The following IKBKE variants were observed in gnomAD, a reference collection of about 807,000 sequenced individuals.
The protein encoded by IKBKE is inhibitor of nuclear factor kappa B kinase subunit epsilon, also known as inhibitor of nuclear factor kappa-B kinase subunit epsilon.
IKBKE carries 45 observed loss-of-function variants against 92.1 expected under a neutral mutation model. The observed-to-expected ratio is 0.49, with a 90% CI of 0.38 to 0.63. IKBKE has a LOEUF of 0.63. Ranked by LOEUF, IKBKE falls within the 20% of genes least tolerant of loss-of-function variation. The pLI is 0.00. For synonymous variants in IKBKE, 374 were observed against 380.3 expected (o/e 0.98, Z 0.19); for missense variants, 700 against 932.8 (o/e 0.75, Z 3.25).
intron 13 of IKBKE, among the ~76,000 whole-genome samples, chr1:206,482,391 T>C (rs1476485284): frequency 2.0e-5 from 3 of 152,164 alleles, no homozygotes; most frequent in South Asian, 2.1e-4. Flanking sequence ...GGAAAGCTTT[T>C]TGGGTGTCTG....
chr1:206,487,793 A>T lies in IKBKE; in HGVS notation c.1617-121A>T. The T allele has an allele frequency of 2.7e-6, 2 of 729,328 alleles. No homozygotes were observed. 45.2% of individuals were successfully genotyped at this position (729,328 alleles called of 1,614,324 possible). ...GACAGCCACCTCCACTCCCAGACTGATCCCCCAAAACTGTGGCTGTGAGGC... is the reference window on the plus strand; with the variant it reads ...GACAGCCACCTCCACTCCCAGACTGTTCCCCCAAAACTGTGGCTGTGAGGC... On this transcript the variant is annotated intron_variant, in intron 15 of 21. Transcript: ENST00000581977. The surrounding 1 kb of genome is among the most constrained non-coding windows in gnomAD (Gnocchi z 5.3).
chr1:206,472,322 G>A (rs782569433), intron 2 of IKBKE, among the ~76,000 whole-genome samples: 1 of 152,010 alleles, frequency 6.6e-6, no homozygotes, highest in Non-Finnish European at 1.5e-5. Flanking sequence ...TCTGTCCCCA[G>A]GTATCCCAAA....
chr1:206,488,371 G>A (rs1350359289), intron 16 of IKBKE, among the ~76,000 whole-genome samples: 2 of 152,216 alleles, frequency 1.3e-5, no homozygotes, highest in Admixed American at 6.5e-5. Flanking sequence ...ACTATCCGTT[G>A]TGTCCTTGGG....
In IKBKE at chr1:206,474,958, C is replaced by T. The variant is rs781913394; in HGVS notation, c.322C>T (p.Pro108Ser). 6.8e-6 allele frequency: 11 copies of T among 1,614,056 alleles called. No individual in the cohort carries two copies. Among genetic ancestry groups the T allele is most frequent in the Admixed American group, 3.3e-5 (2 of 60,008 alleles). Residue 108 changes from proline to serine, a missense_variant, in exon 5 of 22, where the codon CCT becomes TCT. Transcript: ENST00000581977. ...GAGCCCTGAGAATGCCTTTGGGCTGCCTGAGGATGAGTTCCTGGTGGTGCT... is the reference window on the plus strand; with the variant it reads ...GAGCCCTGAGAATGCCTTTGGGCTGTCTGAGGATGAGTTCCTGGTGGTGCT... ...LESPENAFGL[P>S]EDEFLVVLRC...
Position 206,478,278 on chromosome 1 carries a change from G to A in IKBKE, c.931G>A (p.Val311Ile), listed in dbSNP as rs149987336. 36 of 1,613,996 alleles carry A rather than the reference G, an allele frequency of 2.2e-5. No homozygotes were observed. The Middle Eastern group carries it at 4.9e-4, about 22-fold the overall frequency. The change falls in exon 9 of 22, where the codon GTC (valine) becomes ATC (isoleucine). Residue 311 changes from valine to isoleucine, a missense_variant. By Grantham distance (29) the Val-to-Ile change is conservative. Coordinates refer to ENST00000581977, the MANE Select transcript of IKBKE (RefSeq NM_014002.4). The surrounding 1 kb of genome is among the most constrained non-coding windows in gnomAD (Gnocchi z 4.8). ...CAGTGACATCCTGCAGCGAGTTGTCGTCCATGTCTTCTCCCTGTCCCAGGC... is the reference window on the plus strand; with the variant it reads ...CAGTGACATCCTGCAGCGAGTTGTCATCCATGTCTTCTCCCTGTCCCAGGC... ...ETSDILQRVV[V>I]HVFSLSQAVL...
In IKBKE at chr1:206,474,978, G is replaced by A; in HGVS notation, c.342G>A (p.Val114=). The A allele has an allele frequency of 6.2e-7, 1 of 1,614,018 alleles. No individual in the cohort carries two copies. The highest frequency in any genetic ancestry group is 8.5e-7 in the Non-Finnish European group (1 of 1,180,034). ...GGCTGCCTGAGGATGAGTTCCTGGTGGTGCTGCGCTGTGTGGGTGAGCCCC... is the reference window on the plus strand; with the variant it reads ...GGCTGCCTGAGGATGAGTTCCTGGTAGTGCTGCGCTGTGTGGGTGAGCCCC... ...AFGLPEDEFL[V]VLRCVVAGMN... Residue 114 remains valine (V), a synonymous_variant, in exon 5 of 22, where the codon GTG becomes GTA. Coordinates refer to ENST00000581977, the MANE Select transcript of IKBKE (RefSeq NM_014002.4).
At chr1:206,479,787 G>A (rs1360591767) in intron 10 of IKBKE, 83 bp from the exon 11 acceptor site, 3 of 1,387,592 alleles carry the variant, frequency 2.2e-6, no homozygotes, top group African/African-American at 2.8e-5. Flanking sequence ...GCAGTGAGGG[G>A]TGAGTGTGAG....
In IKBKE at chr1:206,474,912, G is replaced by C; in HGVS notation, c.276G>C (p.Gly92=). Residue 92 remains glycine, a synonymous_variant, in exon 5 of 22, where the codon GGG becomes GGC. Coordinates refer to ENST00000581977, the MANE Select transcript of IKBKE (RefSeq NM_014002.4). ...KVLVMEYCSS[G]SLLSVLESPE... ...TGGTGATGGAGTACTGCTCCAGTGG[G>C]AGCCTGCTGAGTGTGCTGGAGAGCC... 6.2e-7 allele frequency: 1 copy of C among 1,614,088 alleles called. No homozygotes were observed. The highest frequency in any genetic ancestry group is 8.5e-7 in the Non-Finnish European group (1 of 1,179,984).
At position 206,485,470 on chromosome 1, in the gene IKBKE, C is replaced by A. The variant is rs1553388402; in HGVS notation, c.1616+164C>A. 6.6e-6 allele frequency among the ~76,000 whole-genome samples: 1 copy of A among 152,158 alleles called. No individual in the cohort carries two copies. Among genetic ancestry groups the A allele is most frequent in the East Asian group, 1.9e-4 (1 of 5,190 alleles). On this transcript the variant is annotated intron_variant, in intron 15 of 21. Coordinates refer to ENST00000581977, the MANE Select transcript of IKBKE (RefSeq NM_014002.4). The surrounding 1 kb of genome is among the most constrained non-coding windows in gnomAD (Gnocchi z 5.0). The stretch of plus-strand genomic sequence containing the variant: ...GGGAGATCCAGCAATAAACAAGAAC[C>A]CCCCGACTGCCCCAGACACCAGCCA...
At chr1:206,493,162 C>A in intron 19 of IKBKE, 43 bp downstream of exon 19, 1 of 1,565,328 alleles carries the variant, frequency 6.4e-7, no homozygotes, top group Non-Finnish European at 8.7e-7. Context: ...GGGATGCAGG[C>A]TGGGGCGCTT....
chr1:206,474,385 C>T lies in IKBKE; in HGVS notation c.142C>T (p.Pro48Ser). 1 of 1,613,926 alleles carries T rather than the reference C, an allele frequency of 6.2e-7. No individual in the cohort carries two copies. The highest frequency in any genetic ancestry group is 8.5e-7 in the Non-Finnish European group (1 of 1,179,778). The change falls in exon 4 of 22, where the codon CCC becomes TCC. Residue 48 changes from proline to serine, a missense_variant. Transcript: ENST00000581977. ...CTTCAACACTACCAGCTACCTGCGG[C>T]CCCGCGAGGTGCAGGTGAGGGAGTT... ...KVFNTTSYLR[P>S]REVQVREFEV...
chr1:206,494,075 C>A, intron 21 of IKBKE, 84 bp downstream of exon 21: 1 of 1,157,598 alleles, frequency 8.6e-7, no homozygotes, highest in Non-Finnish European at 1.3e-6. Flanking sequence ...CCCAAGCCTG[C>A]CCATGCAGGT....
chr1:206,493,777 A>G, intron 20 of IKBKE, 143 bp from the exon 21 acceptor site: 1 of 631,584 alleles, frequency 1.6e-6, no homozygotes, highest in Non-Finnish European at 2.7e-6. Context: ...CAAAGGAGCA[A>G]GACTCCGTCT....
chr1:206,475,927 G>T (rs1665040438), intron 5 of IKBKE, among the ~76,000 whole-genome samples: 1 of 152,040 alleles, frequency 6.6e-6, no homozygotes, highest in Non-Finnish European at 1.5e-5. Flanking sequence ...GAGGGGTGCT[G>T]CCCTTGAGGA....
intron 2 of IKBKE, chr1:206,472,995 G>A (rs1163243997): frequency 3.8e-6 from 2 of 530,154 alleles, no homozygotes; most frequent in East Asian, 3.6e-5. Context: ...CTCAGTGGGG[G>A]CCCTCTTGTT....
chr1:206,475,054 C>T, intron 5 of IKBKE, 60 bp downstream of exon 5: 1 of 1,566,956 alleles, frequency 6.4e-7, no homozygotes, highest in Non-Finnish European at 8.7e-7. Flanking sequence ...GGGACAGATG[C>T]TGACAGGACT....
intron 10 of IKBKE, among the ~76,000 whole-genome samples, chr1:206,479,479 G>A (rs1197852957): frequency 6.6e-6 from 1 of 152,216 alleles, no homozygotes; most frequent in Admixed American, 6.5e-5. Context: ...CTCCTGGAAA[G>A]AAGGGAAGGG....
rs950849349 is a variant in IKBKE at position 206,491,894 on chromosome 1, G to T, written c.1835+145G>T. The stretch of plus-strand genomic sequence containing the variant: ...CAGAGGAGTGGTTTTCTGTCCCTGG[G>T]TGGACCAGGCAGTTGGCTGGGAGAT... On this transcript the variant is annotated intron_variant, in intron 18 of 21. Transcript: ENST00000581977. The T allele has an allele frequency of 6.3e-5, 38 of 604,520 alleles. No homozygotes were observed. In the African/African-American group the frequency reaches 6.4e-4, roughly 10 times the overall value. The allele number at this position is 604,520 out of a possible 1,614,324, so 37.4% of individuals were successfully genotyped here. A position where few individuals can be genotyped will look rare whatever the true frequency, so the allele number is the denominator to read the frequency against.
At chr1:206,488,211 T>C (rs1180273424) in intron 16 of IKBKE, among the ~76,000 whole-genome samples, 1 of 152,214 alleles carries the variant, frequency 6.6e-6, no homozygotes, top group Non-Finnish European at 1.5e-5. Flanking sequence ...GTGGGGGACA[T>C]GAAACCTTTA....
Sources: allele counts gnomAD v4.1 joint callset (sites outside exome capture counted in the v4.1 genomes callset), GRCh38; gene constraint gnomAD v4.1.1; non-coding constraint Gnocchi (gnomAD v3.1); transcripts MANE v1.5; gene names NCBI Gene and HGNC (gene_info 2026-07-23, HGNC 2026-07-21).